Variants in ALDH5A1 observed in about 807,000 individuals in gnomAD.
ALDH5A1 encodes aldehyde dehydrogenase 5 family member A1.
ALDH5A1 carries 33 observed loss-of-function variants against 54.7 expected under a neutral mutation model. The observed-to-expected ratio is 0.60, with a 90% CI of 0.46 to 0.81. ALDH5A1 has a LOEUF of 0.81. Among genes scored for constraint, ALDH5A1 ranks in the 30% least tolerant of loss-of-function variants. The pLI is 0.00. For synonymous variants in ALDH5A1, 294 were observed against 292.7 expected (o/e 1.00, Z -0.05); for missense variants, 657 against 711.0 (o/e 0.92, Z 0.86).
At chr6:24,517,180 AT>A (rs1265702190) in intron 5 of ALDH5A1, among the ~76,000 whole-genome samples, 1 of 151,744 alleles carries the variant, frequency 6.6e-6, no homozygotes, top group Non-Finnish European at 1.5e-5. Context: ...TAATTTTTGT[AT>A]TTTCTGTAGA....
chr6:24,500,793 A>G (rs879095655), intron 1 of ALDH5A1, among the ~76,000 whole-genome samples: 1 of 152,126 alleles, frequency 6.6e-6, no homozygotes, highest in East Asian at 1.9e-4. Context: ...TTTATGACGC[A>G]GTATACCTCT....
intron 1 of ALDH5A1, among the ~76,000 whole-genome samples, chr6:24,497,266 G>A (rs1391598361): frequency 6.6e-6 from 1 of 152,166 alleles, no homozygotes; most frequent in Admixed American, 6.5e-5. Context: ...CCATCAGAAT[G>A]CCTTTTTTTC....
intron 1 of ALDH5A1, among the ~76,000 whole-genome samples, chr6:24,499,943 G>A (rs911639985): frequency 6.6e-6 from 1 of 151,896 alleles, no homozygotes; most frequent in African/African-American, 2.4e-5. Context: ...ACAGGCACGA[G>A]CCACTGCGCC....
chr6:24,495,069 C>T lies in ALDH5A1; in HGVS notation c.73C>T (p.Arg25Cys). The change falls in exon 1 of 10, where the codon CGC becomes TGC. Residue 25 changes from arginine (R) to cysteine (C), a missense_variant. Around this residue, in one of 2 missense-constraint regions of ALDH5A1, gnomAD observed 232 missense variants for 194.6 expected, o/e 1.19. Transcript: ENST00000357578. ...GTCGACGTTTCCAGGCTGCCGCCTCCGCCCCCGCGCCGGCGGCCTGGTCCC... is the reference window on the plus strand; with the variant it reads ...GTCGACGTTTCCAGGCTGCCGCCTCTGCCCCCGCGCCGGCGGCCTGGTCCC... ...LGSTFPGCRL[R>C]PRAGGLVPAS... The T allele has an allele frequency of 7.5e-7, 1 of 1,329,144 alleles. No individual in the cohort carries two copies. The highest frequency in any genetic ancestry group is 9.6e-7 in the Non-Finnish European group (1 of 1,041,526). 82.3% of individuals were successfully genotyped at this position (1,329,144 alleles called of 1,614,324 possible).
chr6:24,523,952 GT>G (rs1231922513), intron 7 of ALDH5A1, among the ~76,000 whole-genome samples: 2 of 148,564 alleles, frequency 1.3e-5, no homozygotes, highest in Non-Finnish European at 3.0e-5. Context: ...TCACAAGAAA[GT>G]TTCTTGTAAT....
intron 8 of ALDH5A1, among the ~76,000 whole-genome samples, chr6:24,530,961 C>G (rs1190006592): frequency 6.6e-6 from 1 of 152,214 alleles, no homozygotes; most frequent in Non-Finnish European, 1.5e-5. Flanking sequence ...TCACGTGAGG[C>G]CATCATTCTC....
In ALDH5A1 at chr6:24,518,625, T is replaced by C. The variant is rs1759617592; in HGVS notation, c.871-1776T>C. On this transcript the variant is annotated intron_variant, in intron 5 of 9. Coordinates refer to ENST00000357578, the MANE Select transcript of ALDH5A1 (RefSeq NM_001080.3). The surrounding 1 kb of genome is among the most constrained non-coding windows in gnomAD (Gnocchi z 4.2). ...GTTGCGTCCGATAAAGAAATATGTTTAGTCTTAAAACTTGAACTACTTTGT... is the reference window on the plus strand; with the variant it reads ...GTTGCGTCCGATAAAGAAATATGTTCAGTCTTAAAACTTGAACTACTTTGT... Among the ~76,000 whole-genome samples the C allele has an allele frequency of 6.6e-6, 1 of 152,272 alleles. No homozygotes were observed. Among genetic ancestry groups the C allele is most frequent in the African/African-American group, 2.4e-5 (1 of 41,476 alleles).
chr6:24,533,676 T>A lies in ALDH5A1; in HGVS notation c.1572T>A (p.Tyr524Ter). Reference sequence around the variant, plus strand: ...GGTCCAAGTATGGCATTGATGAGTATCTGGAACTCAAGTATGTGTGTTACG... The same window carrying A: ...GGTCCAAGTATGGCATTGATGAGTAACTGGAACTCAAGTATGTGTGTTACG... ...REGSKYGIDE[Y>*]LELKYVCYGG... The change falls in exon 10 of 10, where the codon TAT becomes TAA. Residue 524 changes from tyrosine to a stop codon, truncating the protein, a stop_gained. Coordinates refer to ENST00000357578, the MANE Select transcript of ALDH5A1 (RefSeq NM_001080.3). LOFTEE classifies it high-confidence loss of function. 1 of 1,614,120 alleles carries A rather than the reference T, an allele frequency of 6.2e-7. No individual in the cohort carries two copies. Among genetic ancestry groups the A allele is most frequent in the Non-Finnish European group, 8.5e-7 (1 of 1,180,016 alleles).
intron 2 of ALDH5A1, among the ~76,000 whole-genome samples, chr6:24,502,916 C>T (rs1023373235): frequency 2.7e-5 from 4 of 149,374 alleles, no homozygotes; most frequent in Non-Finnish European, 5.9e-5. Flanking sequence ...TTTTTTTAAA[C>T]TTGTTTTTGT....
chr6:24,531,934 C>T (rs1581826712), intron 8 of ALDH5A1, 185 bp from the exon 9 acceptor site: 1 of 660,126 alleles, frequency 1.5e-6, no homozygotes. Flanking sequence ...TTTGAGCATG[C>T]TAGCCTTAAT....
intron 6 of ALDH5A1, among the ~76,000 whole-genome samples, chr6:24,521,053 G>T (rs7760139): frequency 0.079 from 12,010 of 152,266 alleles, 1,074 homozygotes; most frequent in African/African-American, 0.22. Flanking sequence ...GTTGAGGAGG[G>T]TGGTGGCTGG....
chr6:24,522,501 G>GTGTGTGTGTGTA lies in ALDH5A1; in HGVS notation c.1015-263_1015-262insGTGTGTGTATGT, dbSNP rs1554137632. The GTGTGTGTGTGTA allele has an allele frequency of 0.011, 4,020 of 361,600 alleles. 136 individuals are homozygous for GTGTGTGTGTGTA. The highest frequency in any genetic ancestry group is 0.061 in the African/African-American group (2,831 of 46,554). The allele number at this position is 361,600 out of a possible 1,614,324, so 22.4% of individuals were successfully genotyped here. ...TTCGTGTGTGTGTGTGTGTGTGTGT[G>GTGTGTGTGTGTA]TGTACAGGTGCTTATTGCCAACTAA... On this transcript the variant is annotated intron_variant, in intron 6 of 9. Transcript: ENST00000357578.
intron 6 of ALDH5A1, among the ~76,000 whole-genome samples, chr6:24,521,116 G>A (rs1342145226): frequency 2.0e-5 from 3 of 152,206 alleles, no homozygotes; most frequent in Admixed American, 6.5e-5. Flanking sequence ...TCGCTGTCCC[G>A]AGATGGAGGG....
At chr6:24,500,896 A>AT (rs4646835) in intron 1 of ALDH5A1, among the ~76,000 whole-genome samples, 2 of 151,660 alleles carry the variant, frequency 1.3e-5, no homozygotes, top group African/African-American at 2.4e-5. Context: ...TACAAAAAAA[A>AT]TTTTTTTTTA....
intron 1 of ALDH5A1, among the ~76,000 whole-genome samples, chr6:24,501,352 G>C (rs1191031592): frequency 6.6e-6 from 1 of 152,170 alleles, no homozygotes; most frequent in Non-Finnish European, 1.5e-5. Context: ...CTAGAAATAG[G>C]TTAAACTGAA....
At chr6:24,533,306 G>A (rs1201390028) in intron 9 of ALDH5A1, among the ~76,000 whole-genome samples, 1 of 152,182 alleles carries the variant, frequency 6.6e-6, no homozygotes, top group East Asian at 1.9e-4. Context: ...GATAGTGAGA[G>A]TAGAATTGAA....
chr6:24,501,777 C>T (rs555723359), intron 1 of ALDH5A1, among the ~76,000 whole-genome samples: 1 of 151,692 alleles, frequency 6.6e-6, no homozygotes, highest in South Asian at 2.1e-4. Context: ...CAAACCCAGA[C>T]CCTGTCTCAA....
intron 5 of ALDH5A1, among the ~76,000 whole-genome samples, chr6:24,517,348 G>T (rs1329646935): frequency 6.6e-6 from 1 of 152,128 alleles, no homozygotes; most frequent in East Asian, 1.9e-4. Flanking sequence ...AATCACTTTT[G>T]TCATGCTATA....
In ALDH5A1 at chr6:24,526,891, A is replaced by ATATATATATCTACTATATATATATTC. The variant is rs1472981661; in HGVS notation, c.1174-1085_1174-1060dup. ...TATATATCTTCTATATATATATTCT[A>ATATATATATCTACTATATATATATTC]TATATATATCTACTATATATATATT... is the stretch of plus-strand genomic sequence containing the variant. On this transcript the variant is annotated intron_variant, in intron 7 of 9. Transcript: ENST00000357578. Among the ~76,000 whole-genome samples the ATATATATATCTACTATATATATATTC allele has an allele frequency of 6.1e-5, 6 of 98,850 alleles. No homozygotes were observed. The East Asian group carries it at 1.1e-3, about 18-fold the overall frequency. The allele number at this position is 98,850 out of a possible 152,430, so 64.8% of individuals were successfully genotyped here. A position where few individuals can be genotyped will look rare whatever the true frequency, so the allele number is the denominator to read the frequency against.
Sources: allele counts gnomAD v4.1 joint callset (sites outside exome capture counted in the v4.1 genomes callset), GRCh38; gene constraint gnomAD v4.1.1; regional missense constraint gnomAD v4.1.1; non-coding constraint Gnocchi (gnomAD v3.1); transcripts MANE v1.5; gene names NCBI Gene and HGNC (gene_info 2026-07-23, HGNC 2026-07-21).